Variants in DPYD observed in about 807,000 individuals in gnomAD.
DPYD encodes the protein dihydropyrimidine dehydrogenase.
Under a neutral mutation model 116.2 loss-of-function variants are expected in DPYD, and 109 were observed. The ratio of observed to expected loss-of-function variants is 0.94; its 90% CI spans 0.80 to 1.10. The LOEUF (loss-of-function observed/expected upper bound fraction) is 1.10. Among genes scored for constraint, DPYD ranks in the 50% least tolerant of loss-of-function variants. The pLI is 0.00. For missense variants in DPYD, 1,302 were observed against 1,254.5 expected (o/e 1.04, Z -0.57); for synonymous variants, 440 against 432.0 (o/e 1.02, Z -0.23).
Position 97,889,782 on chromosome 1 carries a change from C to A in DPYD, c.40-6408G>T, listed in dbSNP as rs1438451905. Among the ~76,000 whole-genome samples, 3 of 152,056 alleles carry A rather than the reference C, an allele frequency of 2.0e-5. No homozygotes were observed. The South Asian group carries it at 6.2e-4, about 31-fold the overall frequency. The stretch of plus-strand genomic sequence containing the variant: ...ACCTAACAGACATCCATATAACACT[C>A]TAAAAGAGCAAAATACACATTCTTC... On this transcript the variant is annotated intron_variant, in intron 1 of 22. Coordinates refer to ENST00000370192, the MANE Select transcript of DPYD (RefSeq NM_000110.4).
intron 16 of DPYD, among the ~76,000 whole-genome samples, chr1:97,349,258 A>G (rs1477690689): frequency 6.6e-6 from 1 of 152,112 alleles, no homozygotes; most frequent in African/African-American, 2.4e-5. Context: ...AGAACCATTT[A>G]ATATTATCAA....
chr1:97,887,968 T>C (rs560063012), intron 1 of DPYD, among the ~76,000 whole-genome samples: 1 of 152,114 alleles, frequency 6.6e-6, no homozygotes, highest in Admixed American at 6.6e-5. Flanking sequence ...TGATTGTAAG[T>C]TCCCTCACGC....
intron 8 of DPYD, among the ~76,000 whole-genome samples, chr1:97,637,478 AAG>A (rs879605591): frequency 5.3e-5 from 8 of 151,840 alleles, no homozygotes; most frequent in Admixed American, 3.9e-4. Flanking sequence ...CACTGAACAT[AAG>A]AGAGTACAGG....
intron 20 of DPYD, among the ~76,000 whole-genome samples, chr1:97,147,974 T>C (rs925283604): frequency 3.9e-5 from 6 of 152,170 alleles, no homozygotes; most frequent in African/African-American, 7.2e-5. Context: ...TACTTTATTG[T>C]AGAGGCACAG....
intron 4 of DPYD, among the ~76,000 whole-genome samples, chr1:97,739,650 G>A (rs1297214589): frequency 6.6e-6 from 1 of 152,036 alleles, no homozygotes; most frequent in Non-Finnish European, 1.5e-5. Flanking sequence ...TAAACCTTGT[G>A]AAAGGATTCT....
intron 8 of DPYD, among the ~76,000 whole-genome samples, chr1:97,617,124 GATCCAAGGATCT>G (rs1656333824): frequency 6.6e-6 from 1 of 152,126 alleles, no homozygotes; most frequent in Non-Finnish European, 1.5e-5. Flanking sequence ...TTTTGTAAAT[GATCCAAGGATCT>G]AATTCCCACA....
intron 20 of DPYD, among the ~76,000 whole-genome samples, chr1:97,112,015 CACT>C (rs1390233399): frequency 6.6e-6 from 1 of 152,032 alleles, no homozygotes; most frequent in African/African-American, 2.4e-5. Flanking sequence ...ACACAATAGG[CACT>C]TAATAGGCCT....
rs1436199888 is a variant in DPYD, at chr1:97,449,916, C to A, written c.1905+143G>T. 8 of 1,049,350 alleles carry A rather than the reference C, an allele frequency of 7.6e-6. No homozygotes were observed. In the East Asian group the frequency reaches 1.6e-4, roughly 21 times the overall value. 65.0% of individuals were successfully genotyped at this position (1,049,350 alleles called of 1,614,324 possible). A position where few individuals can be genotyped will look rare whatever the true frequency, so the allele number is the denominator to read the frequency against. On this transcript the variant is annotated intron_variant, in intron 14 of 22. Coordinates refer to ENST00000370192, the MANE Select transcript of DPYD (RefSeq NM_000110.4). ...TCTTGAGCTTTTCTTTCTTTTTTATCTTTCTATGCATCAGCAAAGCAACTG... is the reference window on the plus strand; with the variant it reads ...TCTTGAGCTTTTCTTTCTTTTTTATATTTCTATGCATCAGCAAAGCAACTG...
At chr1:97,143,877 A>T (rs1363789627) in intron 20 of DPYD, among the ~76,000 whole-genome samples, 1 of 152,136 alleles carries the variant, frequency 6.6e-6, no homozygotes, top group African/African-American at 2.4e-5. Context: ...TTCTTAATAC[A>T]TTTGTAACGG....
intron 18 of DPYD, among the ~76,000 whole-genome samples, chr1:97,286,451 A>G (rs1665690374): frequency 1.3e-5 from 2 of 151,946 alleles, no homozygotes; most frequent in South Asian, 4.1e-4. Flanking sequence ...TATTTCCTGA[A>G]TCTGAATGTT....
intron 18 of DPYD, among the ~76,000 whole-genome samples, chr1:97,260,324 GT>G (rs1663793675): frequency 6.6e-6 from 1 of 151,890 alleles, no homozygotes; most frequent in Non-Finnish European, 1.5e-5. Context: ...TAAATATTTA[GT>G]TTTTAAGATT....
chr1:97,122,904 C>T (rs1652558554), intron 20 of DPYD, among the ~76,000 whole-genome samples: 1 of 151,992 alleles, frequency 6.6e-6, no homozygotes, highest in East Asian at 1.9e-4. Context: ...CATTTCTTGA[C>T]TCTTTTATGC....
chr1:97,145,671 C>T (rs996788573), intron 20 of DPYD, among the ~76,000 whole-genome samples: 2 of 151,488 alleles, frequency 1.3e-5, no homozygotes, highest in Admixed American at 1.3e-4. Context: ...GTAATGAATG[C>T]GTGCTGCAGG....
chr1:97,607,606 CATAAG>C (rs1383952859), intron 8 of DPYD, among the ~76,000 whole-genome samples: 1 of 151,236 alleles, frequency 6.6e-6, no homozygotes, highest in African/African-American at 2.4e-5. Context: ...AAGAGGGGAG[CATAAG>C]ATAACACACA....
chr1:97,335,964 C>T (rs1184116016), intron 16 of DPYD, among the ~76,000 whole-genome samples: 1 of 152,114 alleles, frequency 6.6e-6, no homozygotes, highest in Non-Finnish European at 1.5e-5. Context: ...GTATCCTTGT[C>T]CTTCGTGTCT....
intron 12 of DPYD, among the ~76,000 whole-genome samples, chr1:97,520,009 G>A (rs1045241674): frequency 6.6e-6 from 1 of 151,976 alleles, no homozygotes; most frequent in African/African-American, 2.4e-5. Context: ...GTATTAAAAT[G>A]CATTAACTTC....
chr1:97,143,511 G>A (rs181804763), intron 20 of DPYD, among the ~76,000 whole-genome samples: 3 of 152,230 alleles, frequency 2.0e-5, no homozygotes, highest in Non-Finnish European at 4.4e-5. Context: ...CTAGATTCCT[G>A]AGTAAGGAAA....
At chr1:97,464,721 A>G (rs1463844304) in intron 13 of DPYD, among the ~76,000 whole-genome samples, 2 of 152,210 alleles carry the variant, frequency 1.3e-5, no homozygotes, top group Non-Finnish European at 2.9e-5. Context: ...CCTAGATTTC[A>G]GAGGATGTAT....
chr1:97,805,409 T>C (rs1361742822), intron 3 of DPYD, among the ~76,000 whole-genome samples: 1 of 151,864 alleles, frequency 6.6e-6, no homozygotes, highest in African/African-American at 2.4e-5. Flanking sequence ...GTGGGTTAAA[T>C]ATTTTGCTTG....
Sources: allele counts gnomAD v4.1 joint callset (sites outside exome capture counted in the v4.1 genomes callset), GRCh38; gene constraint gnomAD v4.1.1; transcripts MANE v1.5; gene names NCBI Gene and HGNC (gene_info 2026-07-23, HGNC 2026-07-21).